FOCAD: variants seen among roughly 807,000 people sequenced by gnomAD.
FOCAD encodes the protein KIAA1797.
FOCAD carries 198 observed loss-of-function variants against 225.6 expected under a neutral mutation model. That is an observed-to-expected ratio of 0.88 (90% CI 0.78 to 0.99). The LOEUF is 0.99. Ranked by LOEUF, FOCAD falls within the 50% of genes least tolerant of loss-of-function variation. The pLI is 0.00. For synonymous variants in FOCAD, 897 were observed against 755.0 expected (o/e 1.19, Z -3.08); for missense variants, 2,713 against 2,123.6 (o/e 1.28, Z -5.46).
In FOCAD at chr9:20,845,442, G is replaced by GAGATATATATATATATATAT. The variant is rs368497237; in HGVS notation, c.1921-17135_1921-17134insGATATATATATATATATATA. ...GATATATTTTATGCATCTTTTCCTC[G>GAGATATATATATATATATAT]ATATATATATATATATATATATATG... On this transcript the variant is annotated intron_variant, in intron 15 of 43. Transcript: ENST00000338382. Among the ~76,000 whole-genome samples the GAGATATATATATATATATAT allele has an allele frequency of 4.0e-3, 486 of 121,148 alleles. 3 individuals are homozygous for GAGATATATATATATATATAT. The highest frequency in any genetic ancestry group is 4.4e-3 in the African/African-American group (139 of 31,546). The allele number at this position is 121,148 out of a possible 152,430, so 79.5% of individuals were successfully genotyped here.
At chr9:20,708,072 C>CT (rs1328878354) in intron 1 of FOCAD, among the ~76,000 whole-genome samples, 1 of 152,152 alleles carries the variant, frequency 6.6e-6, no homozygotes, top group East Asian at 1.9e-4. Context: ...TTTTCCCCCT[C>CT]TTTTTTGAGG....
At chr9:20,912,017 T>C (rs1833478302) in intron 22 of FOCAD, among the ~76,000 whole-genome samples, 1 of 151,808 alleles carries the variant, frequency 6.6e-6, no homozygotes, top group East Asian at 1.9e-4. Flanking sequence ...ATGGAAAAAA[T>C]TAAAAGCCTG....
intron 15 of FOCAD, among the ~76,000 whole-genome samples, chr9:20,839,010 G>A (rs988930711): frequency 2.0e-5 from 3 of 152,038 alleles, no homozygotes; most frequent in African/African-American, 7.2e-5. Flanking sequence ...GTATTCTGAA[G>A]GAAGAATGGA....
In FOCAD at chr9:20,822,999, C is replaced by A; in HGVS notation, c.1804C>A (p.His602Asn). Reference sequence around the variant, plus strand: ...TTTCATTTCTTGTAGGCCATATCAACATGGTGCAGATATGTTGGCAGCTAT... The same window carrying A: ...TTTCATTTCTTGTAGGCCATATCAAAATGGTGCAGATATGTTGGCAGCTAT... ...RDICKQRPYQHGADMLAAISQ... is the reference protein window; with the variant it reads ...RDICKQRPYQNGADMLAAISQ... Residue 602 changes from histidine (H) to asparagine (N), a missense_variant, in exon 15 of 44, where the codon CAT (histidine) becomes AAT (asparagine). Transcript: ENST00000338382. The A allele has an allele frequency of 6.3e-7, 1 of 1,597,958 alleles. No homozygotes were observed. Among genetic ancestry groups the A allele is most frequent in the Non-Finnish European group, 8.5e-7 (1 of 1,174,918 alleles).
At position 20,866,917 on chromosome 9, in the gene FOCAD, T is replaced by TTTTTTTTTTTTTTAAAAAA; in HGVS notation, c.2107-12_2107-11insTTTTTTTTTTTTTAAAAAA. Reference sequence around the variant, plus strand: ...TTTTTTTTTTTTTTTTTTTTTTTTTTACCCTATCTAGGACCCAATTGTAGC... The same window carrying TTTTTTTTTTTTTTAAAAAA: ...TTTTTTTTTTTTTTTTTTTTTTTTTTTTTTTTTTTTTTTAAAAAAACCCTATCTAGGACCCAATTGTAGC... On this transcript the variant is annotated splice_polypyrimidine_tract_variant and intron_variant, in intron 17 of 43. Transcript: ENST00000338382. The TTTTTTTTTTTTTTAAAAAA allele has an allele frequency of 5.2e-6, 4 of 764,972 alleles. No individual in the cohort carries two copies. The highest frequency in any genetic ancestry group is 1.8e-5 in the South Asian group (1 of 54,450). The allele number at this position is 764,972 out of a possible 1,614,324, so 47.4% of individuals were successfully genotyped here.
At chr9:20,993,410 G>T in intron 43 of FOCAD, 82 bp downstream of exon 43, 1 of 1,190,006 alleles carries the variant, frequency 8.4e-7, no homozygotes, top group Non-Finnish European at 1.2e-6. Context: ...TCTAGTGGTT[G>T]CAGGTTGAGT....
At chr9:20,852,954 T>C (rs1827815584) in intron 15 of FOCAD, among the ~76,000 whole-genome samples, 1 of 151,698 alleles carries the variant, frequency 6.6e-6, no homozygotes, top group African/African-American at 2.4e-5. Flanking sequence ...TATCTTGGAG[T>C]CTAACCTCTA....
intron 5 of FOCAD, among the ~76,000 whole-genome samples, chr9:20,748,448 A>T (rs1350283201): frequency 6.6e-6 from 1 of 152,166 alleles, no homozygotes; most frequent in Admixed American, 6.5e-5. Context: ...AGAATTACAT[A>T]AAAGTTTTGG....
intron 11 of FOCAD, among the ~76,000 whole-genome samples, chr9:20,803,680 G>A (rs1028432213): frequency 1.3e-5 from 2 of 152,096 alleles, no homozygotes; most frequent in Admixed American, 6.5e-5. Flanking sequence ...CTGTTAGAGA[G>A]TATCTCACCT....
intron 21 of FOCAD, among the ~76,000 whole-genome samples, chr9:20,904,420 G>A (rs959635647): frequency 6.6e-6 from 1 of 151,568 alleles, no homozygotes; most frequent in Admixed American, 6.6e-5. Flanking sequence ...CCAAGTTTTT[G>A]CCCATACTTT....
chr9:20,834,616 G>A (rs1279406399), intron 15 of FOCAD, among the ~76,000 whole-genome samples: 1 of 152,072 alleles, frequency 6.6e-6, no homozygotes, highest in Non-Finnish European at 1.5e-5. Flanking sequence ...AGTGAAAGAA[G>A]CCACATACCA....
chr9:20,799,676 C>CT (rs1395667877), intron 11 of FOCAD, among the ~76,000 whole-genome samples: 1 of 151,856 alleles, frequency 6.6e-6, no homozygotes, highest in African/African-American at 2.4e-5. Context: ...CAACCCCTGC[C>CT]TTTTTTTGTT....
At chr9:20,944,407 G>T (rs966286891) in intron 28 of FOCAD, among the ~76,000 whole-genome samples, 3 of 152,144 alleles carry the variant, frequency 2.0e-5, no homozygotes, top group African/African-American at 7.2e-5. Flanking sequence ...TACAGCACTA[G>T]CATGGGCCAC....
chr9:20,722,337 T>C (rs1021345330), intron 4 of FOCAD, among the ~76,000 whole-genome samples: 1 of 152,162 alleles, frequency 6.6e-6, no homozygotes, highest in Non-Finnish European at 1.5e-5. Context: ...AACTCTTCAG[T>C]CTTCCTGAGC....
intron 11 of FOCAD, among the ~76,000 whole-genome samples, chr9:20,817,875 G>A (rs1564027268): frequency 6.6e-6 from 1 of 152,154 alleles, no homozygotes; most frequent in Non-Finnish European, 1.5e-5. Flanking sequence ...GTGGACATAT[G>A]TGTTCTTTTT....
intron 3 of FOCAD, among the ~76,000 whole-genome samples, chr9:20,719,135 G>T (rs1343950813): frequency 6.6e-6 from 1 of 152,020 alleles, no homozygotes; most frequent in African/African-American, 2.4e-5. Flanking sequence ...AGCCTGGAGT[G>T]CAGTGGTGTG....
chr9:20,733,650 T>G (rs1826897876), intron 4 of FOCAD, among the ~76,000 whole-genome samples: 1 of 152,146 alleles, frequency 6.6e-6, no homozygotes, highest in Non-Finnish European at 1.5e-5. Flanking sequence ...AATGATGATT[T>G]CCAGTTTCAT....
At chr9:20,659,444 C>CAGAT (rs1821644669) in intron 2 of FOCAD, among the ~76,000 whole-genome samples, 1 of 30,316 alleles carries the variant, frequency 3.3e-5, no homozygotes, top group Non-Finnish European at 5.8e-5. Context: ...GAAAGAAAGA[C>CAGAT]AGACAGACAG....
At chr9:20,862,554 T>C (rs2131697658) in intron 15 of FOCAD, 24 bp from the exon 16 acceptor site, 1 of 1,610,826 alleles carries the variant, frequency 6.2e-7, no homozygotes, top group South Asian at 1.1e-5. Flanking sequence ...TGTTAGGTGT[T>C]GACCTTTTCT....
Sources: allele counts gnomAD v4.1 joint callset (sites outside exome capture counted in the v4.1 genomes callset), GRCh38; gene constraint gnomAD v4.1.1; transcripts MANE v1.5; gene names NCBI Gene and HGNC (gene_info 2026-07-23, HGNC 2026-07-21).